Variants in NTN5 observed in about 807,000 individuals in gnomAD.
NTN5 encodes the protein netrin 5, also known as netrin-5.
A neutral mutation model predicts 38.7 loss-of-function variants in NTN5; 42 were observed. The ratio of observed to expected loss-of-function variants is 1.08; its 90% CI spans 0.85 to 1.40. The LOEUF (loss-of-function observed/expected upper bound fraction) is 1.40, where lower values mean the gene tolerates loss of function less well. NTN5 is among the 40% of genes most tolerant of loss of function. The pLI, the probability that NTN5 is intolerant of heterozygous loss-of-function variation, is 0.00. For synonymous variants in NTN5, 329 were observed against 303.9 expected (o/e 1.08, Z -0.86); for missense variants, 658 against 716.5 (o/e 0.92, Z 0.93).
chr19:48,663,807 T>C lies in NTN5; in HGVS notation c.978A>G (p.Pro326=). ...TAGTGGCAAGGGTGGTTGTTGCCTC[T>C]GGAATTCCTGTGAGACCAAAGGAGA... ...RSPRMPCQRI[P]EATTTLATTP... is the part of the protein sequence containing the mutation. Residue 326 remains proline (P), a synonymous_variant, in exon 5 of 7, where the codon CCA becomes CCG. Transcript: ENST00000270235. 1 of 1,614,018 alleles carries C rather than the reference T, an allele frequency of 6.2e-7. No homozygotes were observed. The highest frequency in any genetic ancestry group is 1.7e-5 in the Admixed American group (1 of 60,010).
At position 48,661,851 on chromosome 19, in the gene NTN5, C is replaced by T. The variant is rs1251340719; in HGVS notation, c.1296G>A (p.Leu432=). 4 of 1,339,552 alleles carry T rather than the reference C, an allele frequency of 3.0e-6. No individual in the cohort carries two copies. The highest frequency in any genetic ancestry group is 3.5e-5 in the East Asian group (1 of 28,370). 83.0% of individuals were successfully genotyped at this position (1,339,552 alleles called of 1,614,324 possible). ...GGTCGGGGTCGCCCACGGCGCTGCC[C>T]AGCAGCAGGTAGTCGGTGCCTGGCT... The part of the protein sequence containing the change: ...RLQPGTDYLL[L]GSAVGDPDPT... Residue 432 remains leucine (L), a synonymous_variant, in exon 7 of 7, where the codon CTG becomes CTA. Coordinates refer to ENST00000270235, the MANE Select transcript of NTN5 (RefSeq NM_145807.4).
At chr19:48,663,903 T>A (rs2031618219) in intron 4 of NTN5, 89 bp from the exon 5 acceptor site, 4 of 1,338,168 alleles carry the variant, frequency 3.0e-6, no homozygotes, top group Non-Finnish European at 4.3e-6. Flanking sequence ...CCCAAACTCT[T>A]AAGTGTTTAT....
intron 2 of NTN5, among the ~76,000 whole-genome samples, chr19:48,666,441 T>C (rs948691717): frequency 6.6e-6 from 1 of 151,796 alleles, no homozygotes; most frequent in Non-Finnish European, 1.5e-5. Context: ...GAGGCTGAGG[T>C]GGGAGGATCA....
At position 48,662,003 on chromosome 19, in the gene NTN5, G is replaced by C. The variant is rs1279352562; in HGVS notation, c.1144C>G (p.Pro382Ala). The C allele has an allele frequency of 1.2e-5, 18 of 1,488,174 alleles. No individual in the cohort carries two copies. Among genetic ancestry groups the C allele is most frequent in the Non-Finnish European group, 1.6e-5 (18 of 1,126,360 alleles). 92.2% of individuals were successfully genotyped at this position (1,488,174 alleles called of 1,614,324 possible). A position where few individuals can be genotyped will look rare whatever the true frequency, so the allele number is the denominator to read the frequency against. The stretch of plus-strand genomic sequence containing the variant: ...CGCACGGCCAGCCGCTGCCATGCCG[G>C]GCCCGCCGCCTCGGACGCTAGCACC... ...AQVLASEAAGPAWQRLAVRVL... is the reference protein window; with the variant it reads ...AQVLASEAAGAAWQRLAVRVL... Residue 382 changes from proline (P) to alanine (A), a missense_variant, in exon 7 of 7, where the codon CCG becomes GCG. By Grantham distance (27) the Pro-to-Ala change is conservative. Coordinates refer to ENST00000270235, the MANE Select transcript of NTN5 (RefSeq NM_145807.4).
chr19:48,669,960 CCATCACCACCATCATCACCATCAT>C (rs1568452798), intron 2 of NTN5, among the ~76,000 whole-genome samples: 2 of 114,716 alleles, frequency 1.7e-5, no homozygotes, highest in Admixed American at 8.3e-5. Flanking sequence ...ACCACCATCA[CCATCACCACCATCATCACCATCAT>C]CACCACCACC....
chr19:48,664,554 A>AG (rs769328411), intron 3 of NTN5, 25 bp downstream of exon 3: 12 of 1,574,102 alleles, frequency 7.6e-6, no homozygotes, highest in Non-Finnish European at 1.0e-5. Context: ...TGCTCCCCCC[A>AG]GGCCTGTCTG....
chr19:48,661,587 C>A lies in NTN5; in HGVS notation c.*90G>T. The A allele has an allele frequency of 2.2e-6, 3 of 1,341,474 alleles. No homozygotes were observed. Among genetic ancestry groups the A allele is most frequent in the Non-Finnish European group, 2.9e-6 (3 of 1,037,492 alleles). The allele number at this position is 1,341,474 out of a possible 1,614,324, so 83.1% of individuals were successfully genotyped here. ...TCGGGGCTCTGCGACGTCTGATTGG[C>A]TCTCTGCAGTGCACCGTCGAGGTAG... On this transcript the variant is annotated 3_prime_UTR_variant, in exon 7 of 7. Transcript: ENST00000270235.
chr19:48,671,046 G>T, intron 1 of NTN5, 40 bp from the exon 2 acceptor site: 3 of 1,406,470 alleles, frequency 2.1e-6, no homozygotes, highest in South Asian at 3.0e-5. Flanking sequence ...GATCTCAGCC[G>T]CAGCCTCTAC....
intron 2 of NTN5, among the ~76,000 whole-genome samples, chr19:48,668,199 G>A (rs1007325371): frequency 7.9e-5 from 12 of 152,252 alleles, no homozygotes; most frequent in African/African-American, 2.9e-4. Flanking sequence ...TAGGAACTCA[G>A]GGCTCCCTGG....
At chr19:48,666,343 A>T (rs966244055) in intron 2 of NTN5, among the ~76,000 whole-genome samples, 4 of 152,180 alleles carry the variant, frequency 2.6e-5, no homozygotes, top group Admixed American at 2.6e-4. Context: ...GCTCATCAGA[A>T]TTACCAGGGA....
At position 48,671,952 on chromosome 19, in the gene NTN5, C is replaced by T. The variant is rs928529046; in HGVS notation, c.-20-946G>A. Among the ~76,000 whole-genome samples the T allele has an allele frequency of 2.0e-5, 3 of 152,102 alleles. No homozygotes were observed. The South Asian group carries it at 6.2e-4, about 32-fold the overall frequency. ...GGGCTTGGGAGCGGGACAGTGGGAT[C>T]CCCATGGGGTCAGGGGAAGCAGACA... On this transcript the variant is annotated intron_variant, in intron 1 of 6. Coordinates refer to ENST00000270235, the MANE Select transcript of NTN5 (RefSeq NM_145807.4).
intron 2 of NTN5, among the ~76,000 whole-genome samples, chr19:48,665,868 C>G (rs553281324): frequency 3.9e-5 from 6 of 152,090 alleles, no homozygotes; most frequent in Non-Finnish European, 8.8e-5. Flanking sequence ...GAATCAGACC[C>G]TTTTAGCCTT....
intron 2 of NTN5, chr19:48,667,259 C>G (rs2031729360): frequency 5.6e-6 from 1 of 179,978 alleles, no homozygotes; most frequent in Non-Finnish European, 1.3e-5. Flanking sequence ...ACCAGGATGT[C>G]TGTGAAGCCC....
intron 2 of NTN5, among the ~76,000 whole-genome samples, chr19:48,668,083 T>G (rs1601209168): frequency 2.0e-5 from 3 of 151,582 alleles, no homozygotes; most frequent in Non-Finnish European, 2.9e-5. Flanking sequence ...TGGAGGGAGG[T>G]AGGGAAGGCC....
chr19:48,664,905 C>T, intron 2 of NTN5, 138 bp from the exon 3 acceptor site: 1 of 654,666 alleles, frequency 1.5e-6, no homozygotes, highest in East Asian at 3.4e-5. Context: ...GGTCCCAGGA[C>T]ATCTCTATTA....
Position 48,661,722 on chromosome 19 carries a change from GCA to G in NTN5, c.1423_1424del (p.Cys475ProfsTer35). On this transcript the variant is annotated frameshift_variant, in exon 7 of 7. Coordinates refer to ENST00000270235, the MANE Select transcript of NTN5 (RefSeq NM_145807.4). LOFTEE classifies it low-confidence loss of function (END_TRUNC). ...RLQQEERAGG[C>X]RGVRAPTPSP... ...TGGGTGTGGGTGCCCGCACGCCGCG[GCA>G]GCCTCCGGCGCGCTCCTCCTGCTGC... is the stretch of plus-strand genomic sequence containing the variant. The G allele has an allele frequency of 6.4e-7, 1 of 1,552,442 alleles. No individual in the cohort carries two copies. The highest frequency in any genetic ancestry group is 8.6e-7 in the Non-Finnish European group (1 of 1,159,284).
In NTN5 at chr19:48,671,075, G is replaced by A. The variant is rs1406975345; in HGVS notation, c.-20-69C>T. The A allele has an allele frequency of 3.8e-5, 48 of 1,254,322 alleles. No individual in the cohort carries two copies. In the East Asian group the frequency reaches 1.3e-3, roughly 33 times the overall value. 77.7% of individuals were successfully genotyped at this position (1,254,322 alleles called of 1,614,324 possible). ...CCTCTACCCCTCCTGGAGGTGTCCT[G>A]TGGAACTGGGGCATTCCACCCCCAA... is the stretch of plus-strand genomic sequence containing the variant. On this transcript the variant is annotated intron_variant, in intron 1 of 6. Transcript: ENST00000270235.
At chr19:48,666,240 C>T (rs1045343342) in intron 2 of NTN5, among the ~76,000 whole-genome samples, 1 of 152,168 alleles carries the variant, frequency 6.6e-6, no homozygotes, top group Non-Finnish European at 1.5e-5. Context: ...TTAGCTCACT[C>T]CAGTAATACA....
rs1568449512 is a variant in NTN5, at chr19:48,664,141, A to T, written c.970+2T>A. ...CTTGTGGCCTGGCCCCTCAAGACTTACGCTGGCAGGGCATCCTGGGGGAGC... is the reference window on the plus strand; with the variant it reads ...CTTGTGGCCTGGCCCCTCAAGACTTTCGCTGGCAGGGCATCCTGGGGGAGC... On this transcript the variant is annotated splice_donor_variant, in intron 4 of 6. Transcript: ENST00000270235. LOFTEE classifies it high-confidence loss of function. 2 of 1,603,608 alleles carry T rather than the reference A, an allele frequency of 1.2e-6. No homozygotes were observed. Among genetic ancestry groups the T allele is most frequent in the Non-Finnish European group, 1.7e-6 (2 of 1,175,578 alleles).
Sources: gnomAD v4.1 joint callset for allele counts (sites outside exome capture counted in the v4.1 genomes callset) on GRCh38, gnomAD v4.1.1 for gene constraint, MANE v1.5 for transcripts, NCBI Gene and HGNC (gene_info 2026-07-23, HGNC 2026-07-21) for gene names.